Variants in ZNF593OS observed in about 807,000 individuals in gnomAD.
ZNF593OS encodes the protein transmembrane protein ZNF593OS.
At chr1:26,169,887 C>A (rs969353197), downstream of ZNF593OS, 19 of 1,309,998 alleles carry the variant, frequency 1.5e-5, no homozygotes, top group African/African-American at 1.1e-4. Flanking sequence ...GCCTAGCCCC[C>A]CGGCGTGGCC....
rs77448186 is a variant in ZNF593OS, at chr1:26,171,525, G to A, written c.45+92C>T. The A allele has an allele frequency of 5.1e-3, 2,052 of 398,692 alleles. 50 individuals are homozygous for A. The highest frequency in any genetic ancestry group is 0.039 in the African/African-American group (1,897 of 48,752). The allele number at this position is 398,692 out of a possible 1,614,324, so 24.7% of individuals were successfully genotyped here. A position where few individuals can be genotyped will look rare whatever the true frequency, so the allele number is the denominator to read the frequency against. On this transcript the variant is annotated intron_variant, in intron 1 of 1. Transcript: ENST00000648649. This position sits in a 1 kb window ranked among gnomAD's most constrained non-coding sequence, Gnocchi z 5.5. ...CCTGCCTGCTCAGGCGGCAGGGAAC[G>A]TGACAGCCTGGCTGTTGGGGGTGTC...
chr1:26,170,748 C>T, exon 2 of ZNF593OS: 3 of 1,589,434 alleles, frequency 1.9e-6, no homozygotes, highest in Non-Finnish European at 2.6e-6. Context: ...AGAGGAATTG[C>T]CCATGGACAG....
rs979268311 is a variant in ZNF593OS, at chr1:26,171,060, G to A, written c.*129C>T. On this transcript the variant is annotated 3_prime_UTR_variant, in exon 2 of 2. Transcript: ENST00000648649. The surrounding 1 kb of genome is among the most constrained non-coding windows in gnomAD (Gnocchi z 5.5). ...GAGGCCTGATGCAGTGTGGGGTGGC[G>A]GGAGTGGGATCAGATTACTCTGTCC... 7 of 483,798 alleles carry A rather than the reference G, an allele frequency of 1.4e-5. No individual in the cohort carries two copies. Among genetic ancestry groups the A allele is most frequent in the East Asian group, 1.2e-4 (4 of 32,622 alleles). 30.0% of individuals were successfully genotyped at this position (483,798 alleles called of 1,614,324 possible).
downstream of ZNF593OS, chr1:26,169,894 G>A: frequency 7.5e-7 from 1 of 1,341,716 alleles, no homozygotes; most frequent in Non-Finnish European, 9.8e-7. Context: ...CCCCCGGCGT[G>A]GCCTGACGTA....
chr1:26,171,586 G>A lies in ZNF593OS; in HGVS notation c.45+31C>T, dbSNP rs1436813913. The A allele has an allele frequency of 1.0e-4, 40 of 398,506 alleles. No individual in the cohort carries two copies. Among genetic ancestry groups the A allele is most frequent in the South Asian group, 1.3e-4 (1 of 7,860 alleles). The allele number at this position is 398,506 out of a possible 1,614,324, so 24.7% of individuals were successfully genotyped here. On this transcript the variant is annotated intron_variant, in intron 1 of 1. Transcript: ENST00000648649. The surrounding 1 kb of genome is among the most constrained non-coding windows in gnomAD (Gnocchi z 5.5). ...TGGTAGGGGGAGGAAGGGGTCAGTC[G>A]TGCCAGAAACCGTTGATCAGGGGTA... is the stretch of plus-strand genomic sequence containing the variant.
At chr1:26,170,819 G>A (rs2088488874) in exon 2 of ZNF593OS, 4 of 1,434,246 alleles carry the variant, frequency 2.8e-6, no homozygotes, top group Non-Finnish European at 3.7e-6. Flanking sequence ...GGTTTGGGGA[G>A]CGGAGGGCCT....
At chr1:26,169,803 A>G (rs2088465028), downstream of ZNF593OS, 1 of 640,436 alleles carries the variant, frequency 1.6e-6, no homozygotes. Flanking sequence ...TCGGTCACTG[A>G]CGTCGACGGC....
Position 26,171,273 on chromosome 1 carries a change from T to A in ZNF593OS, c.108A>T (p.Thr36=). ...CACCCAGGCCGAGGACAGCTAGCAC[T>A]GTAGCCACAACTCCTGCCAGCAGAC... The change falls in exon 2 of 2, where the codon ACA becomes ACT. Residue 36 remains threonine (T), a synonymous_variant. Coordinates refer to ENST00000648649, the Ensembl canonical transcript of ZNF593OS. This position sits in a 1 kb window ranked among gnomAD's most constrained non-coding sequence, Gnocchi z 5.5. 2.5e-6 allele frequency: 1 copy of A among 403,590 alleles called. No individual in the cohort carries two copies. The highest frequency in any genetic ancestry group is 4.4e-6 in the Non-Finnish European group (1 of 229,034). 25.0% of individuals were successfully genotyped at this position (403,590 alleles called of 1,614,324 possible). A position where few individuals can be genotyped will look rare whatever the true frequency, so the allele number is the denominator to read the frequency against.
downstream of ZNF593OS, chr1:26,169,882 G>C (rs1488204590): frequency 7.9e-7 from 1 of 1,273,700 alleles, no homozygotes; most frequent in Non-Finnish European, 1.0e-6. Flanking sequence ...AGCCTGCCTA[G>C]CCCCCCGGCG....
chr1:26,170,824 G>A (rs1274824515), exon 2 of ZNF593OS: 4 of 1,418,360 alleles, frequency 2.8e-6, no homozygotes, highest in African/African-American at 1.4e-5. Flanking sequence ...GGGGAGCGGA[G>A]GGCCTCTTCT....
At chr1:26,169,646 C>G, downstream of ZNF593OS, 1 of 398,742 alleles carries the variant, frequency 2.5e-6, no homozygotes, top group African/African-American at 2.1e-5. Context: ...CAGGTTGGCA[C>G]TGATACTGGT....
At chr1:26,170,644 T>A in exon 2 of ZNF593OS, 1 of 1,612,958 alleles carries the variant, frequency 6.2e-7, no homozygotes, top group South Asian at 1.1e-5. Context: ...TGGGATCCTA[T>A]GTGCCCCCCA....
downstream of ZNF593OS, chr1:26,169,898 T>A: frequency 7.3e-7 from 1 of 1,360,998 alleles, no homozygotes; most frequent in Non-Finnish European, 9.6e-7. Context: ...CGGCGTGGCC[T>A]GACGTAGCTG....
At position 26,170,871 on chromosome 1, in the gene ZNF593OS, G is replaced by T. The variant is rs898562640; in HGVS notation, c.*318C>A. 5 of 966,852 alleles carry T rather than the reference G, an allele frequency of 5.2e-6. No individual in the cohort carries two copies. In the African/African-American group the frequency reaches 6.6e-5, roughly 13 times the overall value. The allele number at this position is 966,852 out of a possible 1,614,324, so 59.9% of individuals were successfully genotyped here. On this transcript the variant is annotated 3_prime_UTR_variant, in exon 2 of 2. Transcript: ENST00000648649. The stretch of plus-strand genomic sequence containing the variant: ...CCCAAATAAAGGAACTGGACAAAGA[G>T]AACTTGCCTCCAACTCTAACTTCCA...
chr1:26,170,104 G>C (rs756401448), downstream of ZNF593OS: 1 of 1,570,298 alleles, frequency 6.4e-7, no homozygotes, highest in East Asian at 2.3e-5. Context: ...TCAGGGATCC[G>C]CACGACCCCA....
chr1:26,170,798 T>G, exon 2 of ZNF593OS: 1 of 1,514,538 alleles, frequency 6.6e-7, no homozygotes, highest in African/African-American at 1.4e-5. Flanking sequence ...TGCCAACCCC[T>G]TTTGCCTCTG....
At chr1:26,170,171 G>C (rs373774266), downstream of ZNF593OS, 1 of 1,571,814 alleles carries the variant, frequency 6.4e-7, no homozygotes, top group Non-Finnish European at 8.6e-7. Flanking sequence ...CTGCACCGCT[G>C]TCTGGCCTGC....
chr1:26,170,093 C>T (rs1043344394), downstream of ZNF593OS: 5 of 1,571,600 alleles, frequency 3.2e-6, no homozygotes, highest in Non-Finnish European at 4.3e-6. Context: ...GAGCTGCGGC[C>T]TCAGGGATCC....
chr1:26,170,736 G>A (rs2088487829), exon 2 of ZNF593OS: 2 of 1,597,110 alleles, frequency 1.3e-6, no homozygotes, highest in Admixed American at 1.7e-5. Context: ...AAGATGCAGG[G>A]CAGAGGAATT....
Sources: allele counts gnomAD v4.1 joint callset, GRCh38; gene constraint gnomAD v4.1.1; non-coding constraint Gnocchi (gnomAD v3.1); transcripts MANE v1.5; gene names NCBI Gene and HGNC (gene_info 2026-07-23, HGNC 2026-07-21).